Variants in NCAPG observed in about 807,000 individuals in gnomAD.
NCAPG encodes the protein non-SMC condensin I complex subunit G, also known as condensin complex subunit 3.
Under a neutral mutation model 113.1 loss-of-function variants are expected in NCAPG, and 69 were observed. The observed-to-expected ratio is 0.61, with a 90% CI of 0.50 to 0.75. NCAPG has a LOEUF of 0.75. Among genes scored for constraint, NCAPG ranks in the 30% least tolerant of loss-of-function variants. The pLI, the probability that NCAPG is intolerant of heterozygous loss-of-function variation, is 0.00. For missense variants in NCAPG, 1,058 were observed against 1,177.0 expected (o/e 0.90, Z 1.48); for synonymous variants, 370 against 415.8 (o/e 0.89, Z 1.34).
intron 7 of NCAPG, among the ~76,000 whole-genome samples, chr4:17,819,854 A>C (rs1721379519): frequency 6.6e-6 from 1 of 152,200 alleles, no homozygotes; most frequent in Non-Finnish European, 1.5e-5. Context: ...CAAAAATCCT[A>C]AATCTAGGAT....
Position 17,842,314 on chromosome 4 carries a change from G to C in NCAPG, c.2859G>C (p.Gln953His). Residue 953 changes from glutamine to histidine, a missense_variant, in exon 20 of 21, where the codon CAG becomes CAC. Transcript: ENST00000251496. Reference protein sequence around the residue: ...KSTQLKTNRGQRKVTVSARTN... With the variant: ...KSTQLKTNRGHRKVTVSARTN... Reference sequence around the variant, plus strand: ...ATGAATTATACTATCTTCAAGGACAGAGAAAAGTGACAGTTTCAGCTAGGA... The same window carrying C: ...ATGAATTATACTATCTTCAAGGACACAGAAAAGTGACAGTTTCAGCTAGGA... 6.2e-7 allele frequency: 1 copy of C among 1,611,816 alleles called. No individual in the cohort carries two copies. Among genetic ancestry groups the C allele is most frequent in the Non-Finnish European group, 8.5e-7 (1 of 1,178,280 alleles).
At position 17,840,710 on chromosome 4, in the gene NCAPG, C is replaced by A; in HGVS notation, c.2854+17C>A. 1 of 1,435,576 alleles carries A rather than the reference C, an allele frequency of 7.0e-7. No homozygotes were observed. Among genetic ancestry groups the A allele is most frequent in the Non-Finnish European group, 9.2e-7 (1 of 1,086,226 alleles). The allele number at this position is 1,435,576 out of a possible 1,614,324, so 88.9% of individuals were successfully genotyped here. Reference sequence around the variant, plus strand: ...CTAACAGAGGTAGTGTGTGGATTGACCATCTTTATGATAAAAGTTTTAAAT... The same window carrying A: ...CTAACAGAGGTAGTGTGTGGATTGAACATCTTTATGATAAAAGTTTTAAAT... On this transcript the variant is annotated intron_variant, in intron 19 of 20. Coordinates refer to ENST00000251496, the MANE Select transcript of NCAPG (RefSeq NM_022346.5).
chr4:17,843,498 G>T lies in NCAPG; in HGVS notation c.*73G>T. 1 of 1,527,356 alleles carries T rather than the reference G, an allele frequency of 6.5e-7. No homozygotes were observed. The highest frequency in any genetic ancestry group is 8.9e-7 in the Non-Finnish European group (1 of 1,119,714). 94.6% of individuals were successfully genotyped at this position (1,527,356 alleles called of 1,614,324 possible). A position where few individuals can be genotyped will look rare whatever the true frequency, so the allele number is the denominator to read the frequency against. ...CTTTAATAAAGAAGAAGTTACCCTT[G>T]TCAAAATCAGAACAAACCTGATGTC... On this transcript the variant is annotated 3_prime_UTR_variant, in exon 21 of 21. Transcript: ENST00000251496.
chr4:17,828,427 C>A, intron 12 of NCAPG, 39 bp downstream of exon 12: 2 of 1,166,040 alleles, frequency 1.7e-6, no homozygotes, highest in Non-Finnish European at 2.5e-6. Flanking sequence ...TTAGTCCACT[C>A]CTTTCTTATT....
chr4:17,816,042 G>A (rs1263490664), intron 5 of NCAPG, among the ~76,000 whole-genome samples: 1 of 151,546 alleles, frequency 6.6e-6, no homozygotes, highest in Non-Finnish European at 1.5e-5. Context: ...AATAGGAATG[G>A]TCAGACCAGT....
intron 9 of NCAPG, 45 bp from the exon 10 acceptor site, chr4:17,824,923 C>T (rs1298302965): frequency 7.4e-7 from 1 of 1,347,618 alleles, no homozygotes; most frequent in Non-Finnish European, 1.0e-6. Flanking sequence ...ATACTATTTG[C>T]TGATATATCA....
chr4:17,842,710 A>G (rs1356550243), intron 20 of NCAPG: 3 of 226,784 alleles, frequency 1.3e-5, no homozygotes, highest in African/African-American at 4.6e-5. Context: ...ACACTTACAT[A>G]CTGATAGAAT....
Position 17,837,621 on chromosome 4 carries a change from C to T in NCAPG, c.2292-6C>T, listed in dbSNP as rs1722155474. 1 of 1,608,700 alleles carries T rather than the reference C, an allele frequency of 6.2e-7. No individual in the cohort carries two copies. The highest frequency in any genetic ancestry group is 8.5e-7 in the Non-Finnish European group (1 of 1,178,094). ...GCCAACATACTTTGAATTTGTTTCT[C>T]AATAGGACTAATCAGGAATGCTTTG... On this transcript the variant is annotated splice_polypyrimidine_tract_variant and splice_region_variant and intron_variant, in intron 15 of 20. Coordinates refer to ENST00000251496, the MANE Select transcript of NCAPG (RefSeq NM_022346.5).
rs1418052745 is a variant in NCAPG at position 17,844,667 on chromosome 4, A to C, written c.*1242A>C. 2 of 152,018 alleles carry C rather than the reference A, an allele frequency of 1.3e-5. No individual in the cohort carries two copies. Among genetic ancestry groups the C allele is most frequent in the Non-Finnish European group, 2.9e-5 (2 of 67,848 alleles). The allele number at this position is 152,018 out of a possible 1,614,324, so 9.4% of individuals were successfully genotyped here. On this transcript the variant is annotated 3_prime_UTR_variant, in exon 21 of 21. Transcript: ENST00000251496. ...TTCCTTATGTGTTGTTGTTTTAAAG[A>C]CAATTTGCAGGGGGTTGGGAGAAGG...
intron 20 of NCAPG, 168 bp downstream of exon 20, chr4:17,842,547 T>TTGAC (rs1250355761): frequency 5.2e-6 from 3 of 581,110 alleles, no homozygotes; most frequent in Non-Finnish European, 9.3e-6. Flanking sequence ...TCAAGAGCAT[T>TTGAC]TGACTTCTTA....
chr4:17,823,550 C>T lies in NCAPG; in HGVS notation c.1260-97C>T, dbSNP rs1027491737. 76 of 1,069,124 alleles carry T rather than the reference C, an allele frequency of 7.1e-5. No homozygotes were observed. The Middle Eastern group carries it at 1.2e-3, about 16-fold the overall frequency. 66.2% of individuals were successfully genotyped at this position (1,069,124 alleles called of 1,614,324 possible). A position where few individuals can be genotyped will look rare whatever the true frequency, so the allele number is the denominator to read the frequency against. On this transcript the variant is annotated intron_variant, in intron 8 of 20. Coordinates refer to ENST00000251496, the MANE Select transcript of NCAPG (RefSeq NM_022346.5). ...ATAGTGATAAACCTAAGTGAAAGAA[C>T]TGAGGCAAATGTAATTAAGTTTGCA...
Position 17,812,231 on chromosome 4 carries a change from A to G in NCAPG, c.122A>G (p.Lys41Arg), listed in dbSNP as rs551060935. 18 of 1,612,266 alleles carry G rather than the reference A, an allele frequency of 1.1e-5. No homozygotes were observed. In the South Asian group the frequency reaches 1.7e-4, roughly 15 times the overall value. Residue 41 changes from lysine (K) to arginine (R), a missense_variant, in exon 2 of 21, where the codon AAG becomes AGG. Lys to Arg is a conservative substitution (Grantham distance 26). Transcript: ENST00000251496. ...LSRTYRTMDDKTVFHEEFIHY... is the reference protein window; with the variant it reads ...LSRTYRTMDDRTVFHEEFIHY... ...TCTTTTGTCTTTCAGATGGATGATA[A>G]GACAGTTTTTCATGAGGAGTTCATT...
chr4:17,825,286 G>A, intron 10 of NCAPG, 96 bp from the exon 11 acceptor site: 1 of 1,124,160 alleles, frequency 8.9e-7, no homozygotes, highest in Non-Finnish European at 1.3e-6. Context: ...ATTAAATTCT[G>A]GGCAGTTGAG....
intron 2 of NCAPG, 111 bp downstream of exon 2, chr4:17,812,535 A>AG: frequency 1.3e-6 from 1 of 766,902 alleles, no homozygotes; most frequent in South Asian, 1.6e-5. Flanking sequence ...GATTGAAAAA[A>AG]CCTGAATGAG....
At chr4:17,838,743 G>T (rs1014434147) in intron 16 of NCAPG, among the ~76,000 whole-genome samples, 43 of 152,134 alleles carry the variant, frequency 2.8e-4, no homozygotes, top group African/African-American at 1.0e-3. Context: ...TGCTTTAAAG[G>T]CCAATGTAGG....
chr4:17,832,500 G>A (rs1399774103), intron 13 of NCAPG, among the ~76,000 whole-genome samples: 3 of 152,202 alleles, frequency 2.0e-5, no homozygotes, highest in Non-Finnish European at 4.4e-5. Context: ...AGCAGGTTTT[G>A]TAGCAGATAG....
intron 10 of NCAPG, 50 bp from the exon 11 acceptor site, chr4:17,825,332 C>A: frequency 6.9e-7 from 1 of 1,446,874 alleles, no homozygotes; most frequent in Non-Finnish European, 9.3e-7. Flanking sequence ...TACAGATATT[C>A]ATATTAACAG....
chr4:17,837,092 G>C, intron 14 of NCAPG, 67 bp from the exon 15 acceptor site: 2 of 1,403,622 alleles, frequency 1.4e-6, no homozygotes, highest in Non-Finnish European at 2.0e-6. Context: ...CTGTAGGACA[G>C]GCTACATTGA....
chr4:17,816,059 T>C (rs1269000159), intron 5 of NCAPG, among the ~76,000 whole-genome samples: 1 of 148,966 alleles, frequency 6.7e-6, no homozygotes, highest in Non-Finnish European at 1.5e-5. Context: ...CAGTATAATT[T>C]TCTTATTTTT....
Sources: allele counts gnomAD v4.1 joint callset (sites outside exome capture counted in the v4.1 genomes callset), GRCh38; gene constraint gnomAD v4.1.1; transcripts MANE v1.5; gene names NCBI Gene and HGNC (gene_info 2026-07-23, HGNC 2026-07-21).